The following KIAA1217 variants were observed in gnomAD, a reference collection of about 807,000 sequenced individuals.
KIAA1217 encodes KIAA1217.
In KIAA1217, 88 loss-of-function variants were observed where a neutral mutation model predicts 163.9. That is an observed-to-expected ratio of 0.54 (90% CI 0.45 to 0.64). The LOEUF (loss-of-function observed/expected upper bound fraction) is 0.64. Among genes scored for constraint, KIAA1217 ranks in the 30% least tolerant of loss-of-function variants. The pLI is 0.00. For missense variants in KIAA1217, 2,372 were observed against 2,475.0 expected, an observed-to-expected ratio of 0.96 and a Z score of 0.88; for synonymous variants, 903 against 923.1, an observed-to-expected ratio of 0.98 and a Z score of 0.39.
At chr10:24,398,462 C>T (rs1209750116) in intron 3 of KIAA1217, among the ~76,000 whole-genome samples, 1 of 152,084 alleles carries the variant, frequency 6.6e-6, no homozygotes, top group Non-Finnish European at 1.5e-5. Context: ...ATTCTTGCCT[C>T]CTCAGAAGAA....
intron 1 of KIAA1217, among the ~76,000 whole-genome samples, chr10:24,005,376 A>G (rs1205179109): frequency 6.6e-6 from 1 of 152,216 alleles, no homozygotes; most frequent in Non-Finnish European, 1.5e-5. Context: ...ACTTCACTAC[A>G]GGGACAGTCA....
At chr10:23,904,790 A>T (rs1484309217) in intron 1 of KIAA1217, among the ~76,000 whole-genome samples, 1 of 152,092 alleles carries the variant, frequency 6.6e-6, no homozygotes, top group Non-Finnish European at 1.5e-5. Context: ...CACCACATCT[A>T]CATTATCTTA....
chr10:23,870,149 T>A (rs1014067106), intron 1 of KIAA1217, among the ~76,000 whole-genome samples: 1 of 152,124 alleles, frequency 6.6e-6, no homozygotes, highest in African/African-American at 2.4e-5. Context: ...CCAGCTGGGC[T>A]GGATTGTCCC....
At chr10:23,853,085 T>G (rs1328479445) in intron 1 of KIAA1217, among the ~76,000 whole-genome samples, 3 of 152,230 alleles carry the variant, frequency 2.0e-5, no homozygotes, top group East Asian at 1.9e-4. Flanking sequence ...CATCCCTGTC[T>G]TGTGCCAGTT....
At chr10:24,340,511 C>T (rs1485858331) in intron 2 of KIAA1217, among the ~76,000 whole-genome samples, 2 of 152,124 alleles carry the variant, frequency 1.3e-5, no homozygotes, top group Non-Finnish European at 2.9e-5. Context: ...TTAGAAATTA[C>T]CCAGTCTTGG....
At chr10:23,900,070 G>C (rs1478642073) in intron 1 of KIAA1217, among the ~76,000 whole-genome samples, 1 of 151,046 alleles carries the variant, frequency 6.6e-6, no homozygotes, top group Admixed American at 6.6e-5. Flanking sequence ...GCAGTGGTGT[G>C]ATCTTGGCTT....
intron 2 of KIAA1217, among the ~76,000 whole-genome samples, chr10:24,364,811 A>G: frequency 7.2e-6 from 1 of 139,688 alleles, no homozygotes; most frequent in Admixed American, 7.3e-5. Flanking sequence ...TTTTGTTTTG[A>G]CAGTGTTTCT....
chr10:24,218,823 G>T (rs2130834670), intron 1 of KIAA1217, among the ~76,000 whole-genome samples: 1 of 152,144 alleles, frequency 6.6e-6, no homozygotes, highest in South Asian at 2.1e-4. Flanking sequence ...TCTTATGCTT[G>T]CTTGGTTTAT....
intron 3 of KIAA1217, among the ~76,000 whole-genome samples, chr10:24,419,612 G>A (rs1437912174): frequency 2.0e-5 from 3 of 152,162 alleles, no homozygotes; most frequent in African/African-American, 7.2e-5. Flanking sequence ...CTGGCACATA[G>A]CAAATGCTAT....
intron 1 of KIAA1217, among the ~76,000 whole-genome samples, chr10:23,813,454 C>T (rs1380130088): frequency 6.6e-6 from 1 of 151,910 alleles, no homozygotes; most frequent in East Asian, 1.9e-4. Context: ...CTGTAATTAT[C>T]TATCTTTAAA....
chr10:24,370,040 T>C (rs567172257), intron 2 of KIAA1217, among the ~76,000 whole-genome samples: 171 of 152,094 alleles, frequency 1.1e-3, no homozygotes, highest in African/African-American at 4.0e-3. Flanking sequence ...CCGAGGCAGG[T>C]AGATCACGAG....
intron 2 of KIAA1217, among the ~76,000 whole-genome samples, chr10:24,353,894 A>G (rs1432717593): frequency 6.6e-6 from 1 of 152,320 alleles, no homozygotes; most frequent in Non-Finnish European, 1.5e-5. Flanking sequence ...ATGTGACTAG[A>G]TATGAAAAAT....
At chr10:24,298,328 A>AT (rs1356731268) in intron 2 of KIAA1217, among the ~76,000 whole-genome samples, 1 of 152,036 alleles carries the variant, frequency 6.6e-6, no homozygotes, top group East Asian at 1.9e-4. Flanking sequence ...TATTGTATTG[A>AT]TTTTTTTAAA....
intron 1 of KIAA1217, among the ~76,000 whole-genome samples, chr10:23,904,898 A>G (rs774157483): frequency 1.8e-4 from 28 of 151,946 alleles, no homozygotes; most frequent in East Asian, 1.9e-4. Context: ...ACTTGCCCAC[A>G]GTCACCCAGT....
chr10:24,065,609 G>A (rs1287012011), intron 2 of KIAA1217, among the ~76,000 whole-genome samples: 25 of 152,196 alleles, frequency 1.6e-4, no homozygotes, highest in Admixed American at 1.6e-3. Context: ...TGACAAGAAT[G>A]TATATTCTGT....
intron 1 of KIAA1217, among the ~76,000 whole-genome samples, chr10:23,704,938 A>G (rs1577529): frequency 0.18 from 27,261 of 151,980 alleles, 4,765 homozygotes; most frequent in African/African-American, 0.45. Flanking sequence ...TGAGGGTTCC[A>G]TTTTCCTCAC....
intron 2 of KIAA1217, among the ~76,000 whole-genome samples, chr10:24,362,723 G>T (rs1424705313): frequency 6.6e-6 from 1 of 152,086 alleles, no homozygotes; most frequent in East Asian, 1.9e-4. Context: ...TTTCTGGGCC[G>T]GGCGCGGTGG....
chr10:24,246,781 A>C (rs2073848878), intron 2 of KIAA1217, among the ~76,000 whole-genome samples: 1 of 152,196 alleles, frequency 6.6e-6, no homozygotes, highest in African/African-American at 2.4e-5. Context: ...TTGGAAGCCA[A>C]GGCAGGAGGA....
chr10:24,035,254 G>C (rs554752812), intron 2 of KIAA1217, among the ~76,000 whole-genome samples: 7 of 152,128 alleles, frequency 4.6e-5, no homozygotes, highest in Non-Finnish European at 1.0e-4. Context: ...AAATGACTTA[G>C]GACAGTGTTG....
Sources: allele counts gnomAD v4.1 joint callset (sites outside exome capture counted in the v4.1 genomes callset), GRCh38; gene constraint gnomAD v4.1.1; transcripts MANE v1.5; gene names NCBI Gene and HGNC (gene_info 2026-07-23, HGNC 2026-07-21).